Variants in PLSCR2 observed in about 807,000 individuals in gnomAD.
PLSCR2 encodes the protein PL scramblase 2.
A neutral mutation model predicts 25.3 loss-of-function variants in PLSCR2; 18 were observed. The observed-to-expected ratio is 0.71, with a 90% CI of 0.49 to 1.06. The LOEUF (loss-of-function observed/expected upper bound fraction) is 1.06, where lower values mean the gene tolerates loss of function less well. PLSCR2 is among the 50% of genes least tolerant of loss of function. The pLI, the probability that PLSCR2 is intolerant of heterozygous loss-of-function variation, is 0.00. For missense variants in PLSCR2, 243 were observed against 269.5 expected, an observed-to-expected ratio of 0.90 and a Z score of 0.69; for synonymous variants, 88 against 87.3, an observed-to-expected ratio of 1.01 and a Z score of -0.04.
chr3:146,402,920 T>C (rs2038527507), intron 2 of PLSCR2, among the ~76,000 whole-genome samples: 1 of 152,202 alleles, frequency 6.6e-6, no homozygotes, highest in South Asian at 2.1e-4. Context: ...TGAGGACTAA[T>C]CGTGATTCAT....
intron 2 of PLSCR2, among the ~76,000 whole-genome samples, chr3:146,404,935 G>T (rs1413472369): frequency 6.6e-6 from 1 of 151,964 alleles, no homozygotes; most frequent in Non-Finnish European, 1.5e-5. Context: ...TTGCATCCTG[G>T]ACATACTCAG....
chr3:146,398,462 G>A (rs2038346608), intron 2 of PLSCR2, among the ~76,000 whole-genome samples: 1 of 151,362 alleles, frequency 6.6e-6, no homozygotes, highest in Non-Finnish European at 1.5e-5. Context: ...TGCCTTATAA[G>A]CTACATAAAC....
chr3:146,406,165 T>C (rs7620107), intron 2 of PLSCR2, among the ~76,000 whole-genome samples: 79,863 of 152,040 alleles, frequency 0.53, 21,259 homozygotes, highest in South Asian at 0.71. Flanking sequence ...AGTTATGGAA[T>C]GAAGATGTGG....
chr3:146,432,518 A>C (rs990234147), downstream of PLSCR2, among the ~76,000 whole-genome samples: 1 of 152,222 alleles, frequency 6.6e-6, no homozygotes, highest in Non-Finnish European at 1.5e-5. Flanking sequence ...TGAGCCTAAG[A>C]CACCATATCT....
chr3:146,406,445 AC>A (rs2038661828), intron 2 of PLSCR2, among the ~76,000 whole-genome samples: 1 of 152,158 alleles, frequency 6.6e-6, no homozygotes. Context: ...GGAACAGTAC[AC>A]ATAAATCAAC....
At chr3:146,402,758 G>A (rs994164413) in intron 2 of PLSCR2, among the ~76,000 whole-genome samples, 6 of 152,050 alleles carry the variant, frequency 3.9e-5, no homozygotes, top group Non-Finnish European at 5.9e-5. Flanking sequence ...ATGAGCCACC[G>A]TGCCCAGCCT....
intron 2 of PLSCR2, among the ~76,000 whole-genome samples, chr3:146,426,925 T>C (rs2039374731): frequency 2.0e-5 from 3 of 152,104 alleles, no homozygotes; most frequent in African/African-American, 7.2e-5. Flanking sequence ...GAACAGCAGG[T>C]CCAAACTTGG....
At chr3:146,473,367 C>T (rs542016933) in intron 1 of PLSCR2, among the ~76,000 whole-genome samples, 7 of 148,048 alleles carry the variant, frequency 4.7e-5, no homozygotes, top group African/African-American at 1.0e-4. Context: ...TGCAATGGCA[C>T]GATCTCAGCT....
intron 1 of PLSCR2, among the ~76,000 whole-genome samples, chr3:146,480,903 T>C (rs1364153464): frequency 2.6e-5 from 4 of 152,146 alleles, no homozygotes; most frequent in Non-Finnish European, 5.9e-5. Context: ...GTCAGCTTCA[T>C]ACCTGGGATG....
exon 7 of PLSCR2, chr3:146,441,821 C>A (rs1297067850): frequency 6.3e-7 from 1 of 1,583,064 alleles, no homozygotes; most frequent in East Asian, 2.3e-5. Flanking sequence ...AACATGTAGT[C>A]CTGGATAAAA....
chr3:146,443,458 G>A (rs935939940), intron 6 of PLSCR2, among the ~76,000 whole-genome samples: 1 of 151,600 alleles, frequency 6.6e-6, no homozygotes, highest in African/African-American at 2.4e-5. Context: ...GACTGTTCAG[G>A]TTTTAGATTT....
chr3:146,402,262 A>G (rs961738156), intron 2 of PLSCR2, among the ~76,000 whole-genome samples: 1 of 152,194 alleles, frequency 6.6e-6, no homozygotes, highest in Non-Finnish European at 1.5e-5. Context: ...AAAAAATAAC[A>G]TTAAGTGACT....
Position 146,475,142 on chromosome 3 carries a change from A to C in PLSCR2, c.-292-14858T>G, listed in dbSNP as rs149794676. ...TCATCTTCTGAAGCCTACTCCTGTC[A>C]ATTCATCCATCTGATCCTTTGTCCA... On this transcript the variant is annotated intron_variant, in intron 1 of 8. Coordinates refer to the PLSCR2 transcript ENST00000336685. 2.0e-5 allele frequency among the ~76,000 whole-genome samples: 3 copies of C among 152,118 alleles called. No individual in the cohort carries two copies. The East Asian group carries it at 5.8e-4, about 30-fold the overall frequency.
chr3:146,467,767 G>A (rs954928355), intron 1 of PLSCR2, among the ~76,000 whole-genome samples: 18 of 152,054 alleles, frequency 1.2e-4, no homozygotes, highest in Admixed American at 5.2e-4. Context: ...AAGTCAGAGC[G>A]GAGAGTTGAA....
intron 2 of PLSCR2, among the ~76,000 whole-genome samples, chr3:146,423,789 G>T (rs80111811): frequency 0.014 from 2,058 of 152,164 alleles, 36 homozygotes; most frequent in African/African-American, 0.047. Context: ...TGGTTTTAAA[G>T]ATGGAAGGAG....
chr3:146,407,564 G>A (rs577497746), intron 2 of PLSCR2, among the ~76,000 whole-genome samples: 5 of 152,130 alleles, frequency 3.3e-5, no homozygotes, highest in Non-Finnish European at 7.3e-5. Context: ...TGCTTGATCT[G>A]TTAGGCTTTG....
chr3:146,423,048 A>G (rs923321326), intron 2 of PLSCR2, among the ~76,000 whole-genome samples: 3 of 152,024 alleles, frequency 2.0e-5, no homozygotes, highest in Non-Finnish European at 4.4e-5. Flanking sequence ...GGATGTCGGC[A>G]GTGTGTATGG....
At chr3:146,449,164 A>G in intron 6 of PLSCR2, 42 bp downstream of exon 6, 1 of 1,400,804 alleles carries the variant, frequency 7.1e-7, no homozygotes, top group Non-Finnish European at 1.0e-6. Context: ...GAATGATTCT[A>G]GAGAAGCCAT....
At chr3:146,486,597 A>G (rs1424732878) in intron 1 of PLSCR2, among the ~76,000 whole-genome samples, 3 of 152,060 alleles carry the variant, frequency 2.0e-5, no homozygotes, top group Non-Finnish European at 4.4e-5. Context: ...CTGGACATAT[A>G]CACCATCCCA....
Sources: gnomAD v4.1 joint callset for allele counts (sites outside exome capture counted in the v4.1 genomes callset) on GRCh38, gnomAD v4.1.1 for gene constraint, MANE v1.5 for transcripts, NCBI Gene and HGNC (gene_info 2026-07-23, HGNC 2026-07-21) for gene names.